The following CSMD1 variants were observed in gnomAD, a reference collection of about 807,000 sequenced individuals.
CSMD1 encodes CUB and Sushi multiple domains 1, also known as CUB and sushi domain-containing protein 1.
CSMD1 carries 213 observed loss-of-function variants against 417.5 expected under a neutral mutation model. That is an observed-to-expected ratio of 0.51 (90% CI 0.46 to 0.57). The LOEUF (loss-of-function observed/expected upper bound fraction) is 0.57. Ranked by LOEUF, CSMD1 falls within the 20% of genes least tolerant of loss-of-function variation. CSMD1 has a pLI of 0.00. For missense variants in CSMD1, 6,923 were observed against 4,529.7 expected, an observed-to-expected ratio of 1.53 and a Z score of -15.17; for synonymous variants, 2,862 against 1,736.8, an observed-to-expected ratio of 1.65 and a Z score of -16.11.
At chr8:4,953,933 C>T (rs6997388) in intron 1 of CSMD1, among the ~76,000 whole-genome samples, 72,182 of 151,826 alleles carry the variant, frequency 0.48, 17,455 homozygotes, top group Middle Eastern at 0.53. Context: ...GTTTAAAAAG[C>T]TCTCCTGGTG....
intron 1 of CSMD1, among the ~76,000 whole-genome samples, chr8:4,772,902 A>G (rs1461082691): frequency 6.6e-6 from 1 of 152,180 alleles, no homozygotes; most frequent in Non-Finnish European, 1.5e-5. Flanking sequence ...TGAATAACGT[A>G]AGAAATTGGG....
intron 3 of CSMD1, among the ~76,000 whole-genome samples, chr8:4,036,502 A>G (rs928011889): frequency 1.3e-4 from 20 of 152,216 alleles, no homozygotes; most frequent in African/African-American, 4.8e-4. Context: ...CATCTCTTCA[A>G]ACTTCCAAGA....
chr8:4,031,968 G>A lies in CSMD1; in HGVS notation c.547C>T (p.Leu183=), dbSNP rs368057015. Residue 183 remains leucine (L), a synonymous_variant, in exon 4 of 70, where the codon CTG becomes TTG. Transcript: ENST00000635120. Reference sequence around the variant, plus strand: ...TTTCCTGGGCTGACGATGCAGGTCAGGATGGCGTGGCCTTCCAAGATGTAG... The same window carrying A: ...TTTCCTGGGCTGACGATGCAGGTCAAGATGGCGTGGCCTTCCAAGATGTAG... The part of the protein sequence containing the change: ...PGYILEGHAI[L]TCIVSPGNGA... 6.2e-6 allele frequency: 10 copies of A among 1,613,872 alleles called. No individual in the cohort carries two copies. Among genetic ancestry groups the A allele is most frequent in the Non-Finnish European group, 8.5e-6 (10 of 1,179,898 alleles).
chr8:4,055,185 T>A (rs1229017767), intron 3 of CSMD1, among the ~76,000 whole-genome samples: 1 of 152,214 alleles, frequency 6.6e-6, no homozygotes, highest in African/African-American at 2.4e-5. Flanking sequence ...CGCAGTCAAG[T>A]TAAAACTTCA....
chr8:3,959,447 C>T (rs946566443), intron 5 of CSMD1, among the ~76,000 whole-genome samples: 1 of 152,112 alleles, frequency 6.6e-6, no homozygotes. Context: ...TGCAGTGAGC[C>T]AAGATCACGC....
At chr8:4,236,300 A>G (rs1053876943) in intron 3 of CSMD1, among the ~76,000 whole-genome samples, 1 of 152,116 alleles carries the variant, frequency 6.6e-6, no homozygotes, top group African/African-American at 2.4e-5. Flanking sequence ...CAGAAACTAG[A>G]ACGCAGGAAA....
At chr8:3,711,576 A>G (rs992821291) in intron 6 of CSMD1, among the ~76,000 whole-genome samples, 3 of 152,038 alleles carry the variant, frequency 2.0e-5, no homozygotes, top group African/African-American at 7.2e-5. Flanking sequence ...CTGCCTCTTC[A>G]TGTGTGTGTT....
At chr8:3,400,590 T>A (rs958760697) in intron 15 of CSMD1, among the ~76,000 whole-genome samples, 2 of 151,990 alleles carry the variant, frequency 1.3e-5, no homozygotes, top group South Asian at 2.1e-4. Context: ...TATATTGGAA[T>A]GTGGCAAATA....
intron 1 of CSMD1, among the ~76,000 whole-genome samples, chr8:4,889,455 G>A (rs1803962641): frequency 6.6e-6 from 1 of 152,184 alleles, no homozygotes; most frequent in African/African-American, 2.4e-5. Flanking sequence ...AAGCTTTGTA[G>A]GTGAGGCCAT....
intron 41 of CSMD1, among the ~76,000 whole-genome samples, chr8:3,139,109 G>C (rs895684238): frequency 6.6e-6 from 1 of 152,162 alleles, no homozygotes; most frequent in Non-Finnish European, 1.5e-5. Flanking sequence ...TGCGAGCTCA[G>C]CTTCGGGCAC....
intron 2 of CSMD1, among the ~76,000 whole-genome samples, chr8:4,496,530 C>T (rs1008461605): frequency 2.0e-5 from 3 of 152,162 alleles, no homozygotes; most frequent in Non-Finnish European, 4.4e-5. Context: ...TATGTTAACA[C>T]GGCTGAATGA....
At chr8:3,495,265 A>T (rs931963130) in intron 10 of CSMD1, among the ~76,000 whole-genome samples, 2 of 152,208 alleles carry the variant, frequency 1.3e-5, no homozygotes, top group African/African-American at 4.8e-5. Flanking sequence ...AGACAATTTT[A>T]AAACTGAAAG....
At chr8:4,534,550 G>C (rs904761303) in intron 2 of CSMD1, among the ~76,000 whole-genome samples, 1 of 152,048 alleles carries the variant, frequency 6.6e-6, no homozygotes, top group Non-Finnish European at 1.5e-5. Flanking sequence ...GGTAAGCATA[G>C]TACCCAATAG....
chr8:4,443,077 G>A (rs1413445481), intron 2 of CSMD1, among the ~76,000 whole-genome samples: 1 of 152,062 alleles, frequency 6.6e-6, no homozygotes, highest in Non-Finnish European at 1.5e-5. Context: ...AGTCAGAGGT[G>A]GTATCTGCCT....
At chr8:3,369,585 G>A (rs17065977) in intron 18 of CSMD1, among the ~76,000 whole-genome samples, 35,928 of 152,072 alleles carry the variant, frequency 0.24, 4,365 homozygotes, top group African/African-American at 0.3. Context: ...CCTTGACAAC[G>A]TAACACAGAA....
chr8:3,811,101 G>C (rs1307629388), intron 5 of CSMD1, among the ~76,000 whole-genome samples: 3 of 152,128 alleles, frequency 2.0e-5, no homozygotes, highest in African/African-American at 4.8e-5. Flanking sequence ...GTAGTTCTAA[G>C]GTGACTCCTC....
chr8:3,178,884 T>C (rs1182788524), intron 37 of CSMD1, among the ~76,000 whole-genome samples: 1 of 152,092 alleles, frequency 6.6e-6, no homozygotes, highest in African/African-American at 2.4e-5. Context: ...TCAACAGTCC[T>C]GATACCATTT....
At chr8:4,820,591 A>G (rs967778539) in intron 1 of CSMD1, among the ~76,000 whole-genome samples, 3 of 152,180 alleles carry the variant, frequency 2.0e-5, no homozygotes, top group African/African-American at 7.2e-5. Flanking sequence ...CGTGAAAACA[A>G]ACGGGATAGC....
intron 12 of CSMD1, among the ~76,000 whole-genome samples, chr8:3,413,300 C>G (rs938549876): frequency 6.6e-6 from 1 of 152,086 alleles, no homozygotes; most frequent in East Asian, 1.9e-4. Context: ...TCAGGGAGCT[C>G]TACTGTGCAG....
Sources: gnomAD v4.1 joint callset for allele counts (sites outside exome capture counted in the v4.1 genomes callset) on GRCh38, gnomAD v4.1.1 for gene constraint, MANE v1.5 for transcripts, NCBI Gene and HGNC (gene_info 2026-07-23, HGNC 2026-07-21) for gene names.